Variants in HPRT1 observed in about 807,000 individuals in gnomAD.
HPRT1 encodes the protein hypoxanthine-guanine phosphoribosyltransferase.
In HPRT1, 4 loss-of-function variants were observed where a neutral mutation model predicts 19.0. The observed-to-expected ratio is 0.21, with a 90% CI of 0.10 to 0.48. The LOEUF is 0.48. Ranked by LOEUF, HPRT1 falls within the 20% of genes least tolerant of loss-of-function variation. The pLI, the probability that HPRT1 is intolerant of heterozygous loss-of-function variation, is 0.98. For missense variants in HPRT1, 65 were observed against 164.0 expected (o/e 0.40, Z 3.30); for synonymous variants, 53 against 54.9 (o/e 0.97, Z 0.15).
chrX:134,462,302 C>T (rs17885481), intron 1 of HPRT1, among the ~76,000 whole-genome samples: 1,594 of 111,115 alleles, frequency 0.014, 32 homozygotes, highest in African/African-American at 0.05. Flanking sequence ...TACCTCATCC[C>T]CCTGAGTAGC....
intron 3 of HPRT1, among the ~76,000 whole-genome samples, chrX:134,484,847 TAAAA>T (rs980811875): frequency 3.6e-5 from 4 of 111,154 alleles, no homozygotes; most frequent in Non-Finnish European, 7.6e-5. Flanking sequence ...ATTTTTTAAA[TAAAA>T]AAAAGAGAGA....
At chrX:134,470,453 A>G (rs2077607693) in intron 1 of HPRT1, among the ~76,000 whole-genome samples, 1 of 111,991 alleles carries the variant, frequency 8.9e-6, no homozygotes, top group African/African-American at 3.2e-5. Flanking sequence ...ATGTATTTTT[A>G]AATGTATTAA....
chrX:134,481,344 T>C (rs1299388994), intron 3 of HPRT1, among the ~76,000 whole-genome samples: 1 of 111,830 alleles, frequency 8.9e-6, no homozygotes, highest in African/African-American at 3.3e-5. Context: ...TTTTTCTCTG[T>C]ATGTAGTCGA....
chrX:134,460,189 C>T lies in HPRT1; in HGVS notation c.-123C>T, dbSNP rs1340883230. On this transcript the variant is annotated 5_prime_UTR_variant, in exon 1 of 9. Coordinates refer to ENST00000298556, the MANE Select transcript of HPRT1 (RefSeq NM_000194.3). ...CAGCTTCAGGCGGCTGCGACGAGCC[C>T]TCAGGCGAACCTCTCGGCTTTCCCG... is the stretch of plus-strand genomic sequence containing the variant. The T allele has an allele frequency of 9.2e-6, 7 of 761,750 alleles. No individual in the cohort carries two copies. Among genetic ancestry groups the T allele is most frequent in the Admixed American group, 9.0e-5 (3 of 33,278 alleles). 62.8% of individuals were successfully genotyped at this position (761,750 alleles called of 1,213,427 possible). A position where few individuals can be genotyped will look rare whatever the true frequency, so the allele number is the denominator to read the frequency against.
rs187057777 is a variant in HPRT1 at position 134,497,774 on chromosome X, A to T, written c.486-616A>T. 4.9e-4 allele frequency among the ~76,000 whole-genome samples: 52 copies of T among 106,557 alleles called. 2 individuals are homozygous for T. In the East Asian group the frequency reaches 0.011, roughly 22 times the overall value. The allele number at this position is 106,557 out of a possible 115,157, so 92.5% of individuals were successfully genotyped here. On this transcript the variant is annotated intron_variant, in intron 6 of 8. Coordinates refer to ENST00000298556, the MANE Select transcript of HPRT1 (RefSeq NM_000194.3). ...ATCCTGGCTAACACAGTAAAACCCC[A>T]TCTCTACTAAATACAAAAAAAAATT...
intron 6 of HPRT1, among the ~76,000 whole-genome samples, chrX:134,494,353 TCAGTCTG>T (rs772721368): frequency 8.9e-6 from 1 of 112,461 alleles, no homozygotes; most frequent in South Asian, 3.7e-4. Flanking sequence ...AAGTCTCTGA[TCAGTCTG>T]CAGTTTTTAT....
chrX:134,497,461 G>A (rs17878494), intron 6 of HPRT1, among the ~76,000 whole-genome samples: 1,537 of 108,082 alleles, frequency 0.014, 32 homozygotes, highest in African/African-American at 0.05. Flanking sequence ...GAGAAACCCT[G>A]TCTCTACTAA....
intron 1 of HPRT1, among the ~76,000 whole-genome samples, chrX:134,461,528 C>A (rs773225787): frequency 1.8e-5 from 2 of 112,255 alleles, no homozygotes; most frequent in Admixed American, 1.9e-4. Context: ...ACTTACTTCA[C>A]CTCTCTGGGC....
chrX:134,483,021 A>T (rs1041145802), intron 3 of HPRT1, among the ~76,000 whole-genome samples: 10 of 103,049 alleles, frequency 9.7e-5, no homozygotes, highest in Middle Eastern at 4.9e-3. Context: ...GTTTTCCGAT[A>T]AAAAAAAAAA....
intron 1 of HPRT1, among the ~76,000 whole-genome samples, chrX:134,472,636 A>C (rs2077613124): frequency 9.0e-6 from 1 of 110,725 alleles, no homozygotes; most frequent in South Asian, 3.8e-4. Context: ...GTGCCATCTC[A>C]GCTCAGTGCA....
chrX:134,480,613 T>TA (rs749028644), intron 3 of HPRT1, among the ~76,000 whole-genome samples: 11,968 of 95,713 alleles, frequency 0.13, 772 homozygotes, highest in East Asian at 0.2. Context: ...ATGGCTATTT[T>TA]AAAAAAAAAA....
chrX:134,470,114 A>G (rs1313854574), intron 1 of HPRT1, among the ~76,000 whole-genome samples: 1 of 112,447 alleles, frequency 8.9e-6, no homozygotes, highest in African/African-American at 3.2e-5. Context: ...TTTTCTGCTT[A>G]TGAAAGTAGT....
At chrX:134,460,507 G>C (rs1009170979) in intron 1 of HPRT1, 169 bp downstream of exon 1, 3 of 306,044 alleles carry the variant, frequency 9.8e-6, no homozygotes, top group African/African-American at 8.4e-5. Context: ...CGCGAGGGCG[G>C]CAGGGAGGAC....
intron 6 of HPRT1, among the ~76,000 whole-genome samples, chrX:134,497,923 G>A (rs779769639): frequency 9.1e-6 from 1 of 110,079 alleles, no homozygotes; most frequent in Admixed American, 9.6e-5. Context: ...CTCCAGCCTG[G>A]GCAACAGAGC....
intron 3 of HPRT1, among the ~76,000 whole-genome samples, chrX:134,483,795 TG>T (rs2077645703): frequency 8.9e-6 from 1 of 111,851 alleles, no homozygotes. Flanking sequence ...TGTATTCCAA[TG>T]TAGTGAACTA....
chrX:134,493,730 A>C, intron 6 of HPRT1, 140 bp downstream of exon 6: 1 of 483,125 alleles, frequency 2.1e-6, no homozygotes, highest in Non-Finnish European at 3.7e-6. Flanking sequence ...TTAAGATATA[A>C]TCCTTTTAAA....
rs556008472 is a variant in HPRT1 at position 134,473,810 on chromosome X, A to T, written c.134+345A>T. On this transcript the variant is annotated intron_variant, in intron 2 of 8. Coordinates refer to ENST00000298556, the MANE Select transcript of HPRT1 (RefSeq NM_000194.3). The stretch of plus-strand genomic sequence containing the variant: ...AGGTCAGATTTTTATTATTATGCAC[A>T]TCTAGCTTGAAAATTTTCTGTTAAG... Among the ~76,000 whole-genome samples the T allele has an allele frequency of 1.6e-4, 18 of 112,307 alleles. No homozygotes were observed. The South Asian group carries it at 6.3e-3, about 39-fold the overall frequency.
chrX:134,492,575 G>C (rs2077670558), intron 5 of HPRT1: 1 of 325,703 alleles, frequency 3.1e-6, no homozygotes, highest in African/African-American at 2.7e-5. Context: ...CTGGCTGCTG[G>C]CCAGGGGTTG....
chrX:134,460,649 C>T (rs1007229615), intron 1 of HPRT1: 60 of 144,653 alleles, frequency 4.1e-4, no homozygotes, highest in Non-Finnish European at 9.2e-5. Flanking sequence ...GGGGAGGGGC[C>T]GAGGGCAGAT....
Sources: gnomAD v4.1 joint callset for allele counts (sites outside exome capture counted in the v4.1 genomes callset) on GRCh38, gnomAD v4.1.1 for gene constraint, MANE v1.5 for transcripts, NCBI Gene and HGNC (gene_info 2026-07-23, HGNC 2026-07-21) for gene names.